Variants in EPYC observed in about 807,000 individuals in gnomAD.
EPYC encodes epiphycan.
Under a neutral mutation model 30.1 loss-of-function variants are expected in EPYC, and 28 were observed. The ratio of observed to expected loss-of-function variants is 0.93; its 90% confidence interval spans 0.69 to 1.28. EPYC has a LOEUF of 1.28. Ranked by LOEUF, EPYC falls within the 50% of genes most tolerant of loss-of-function variation. EPYC has a pLI of 0.00. For synonymous variants in EPYC, 144 were observed against 141.4 expected (o/e 1.02, Z -0.13); for missense variants, 382 against 383.5 (o/e 1.00, Z 0.03).
chr12:90,972,901 C>A lies in EPYC; in HGVS notation c.420G>T (p.Pro140=). Residue 140 remains proline (P), a synonymous_variant, in exon 4 of 7, where the codon CCG becomes CCT. Coordinates refer to ENST00000261172, the MANE Select transcript of EPYC (RefSeq NM_004950.5). ...CDDHELDAIP[P]LPKNTAYFYS... is the part of the protein sequence containing the mutation. ...AGAAATAAGCGGTGTTCTTTGGCAG[C>A]GGAGGAATAGCATCAAGTTCATGGT... 1 of 1,612,740 alleles carries A rather than the reference C, an allele frequency of 6.2e-7. No individual in the cohort carries two copies. The highest frequency in any genetic ancestry group is 1.7e-4 in the Middle Eastern group (1 of 6,056).
intron 2 of EPYC, among the ~76,000 whole-genome samples, 155 bp downstream of exon 2, chr12:91,002,246 G>A (rs1053390895): frequency 6.7e-5 from 9 of 134,488 alleles, no homozygotes; most frequent in African/African-American, 2.0e-4. Flanking sequence ...ACCTCCAAAA[G>A]ATTGAACATG....
At chr12:90,996,577 A>T (rs995124216) in intron 2 of EPYC, among the ~76,000 whole-genome samples, 3 of 151,942 alleles carry the variant, frequency 2.0e-5, no homozygotes, top group African/African-American at 7.2e-5. Flanking sequence ...AATTTTGTTA[A>T]ATATAATTTT....
At chr12:90,989,763 A>G (rs1877540143) in intron 2 of EPYC, among the ~76,000 whole-genome samples, 1 of 151,878 alleles carries the variant, frequency 6.6e-6, no homozygotes, top group South Asian at 2.1e-4. Flanking sequence ...GCAATATTCC[A>G]TTTTTAGTCA....
Position 90,970,053 on chromosome 12 carries a change from A to C in EPYC, c.789T>G (p.Leu263=). Residue 263 remains leucine (L), a synonymous_variant, in exon 6 of 7, where the codon CTT becomes CTG. Transcript: ENST00000261172. ...ACTGGTAGACTCCTACCTGGAGGTGAAGGGCTCGTAGATTTTCTGGGAGTG... is the reference window on the plus strand; with the variant it reads ...ACTGGTAGACTCCTACCTGGAGGTGCAGGGCTCGTAGATTTTCTGGGAGTG... ...PLPLPENLRA[L]HLQNNNILEM... 1.2e-6 allele frequency: 2 copies of C among 1,613,336 alleles called. No individual in the cohort carries two copies. The highest frequency in any genetic ancestry group is 1.7e-6 in the Non-Finnish European group (2 of 1,179,306).
chr12:90,999,411 A>T (rs1877770344), intron 2 of EPYC, among the ~76,000 whole-genome samples: 5 of 152,100 alleles, frequency 3.3e-5, no homozygotes, highest in Non-Finnish European at 7.4e-5. Context: ...TAAATTTATA[A>T]TTTTAGAACA....
At chr12:90,999,585 G>T (rs1168789584) in intron 2 of EPYC, among the ~76,000 whole-genome samples, 1 of 152,004 alleles carries the variant, frequency 6.6e-6, no homozygotes, top group Admixed American at 6.6e-5. Flanking sequence ...GGTTACGTTA[G>T]TAGTATTTAG....
intron 3 of EPYC, 33 bp downstream of exon 3, chr12:90,978,055 A>C: frequency 6.6e-7 from 1 of 1,507,982 alleles, no homozygotes; most frequent in Non-Finnish European, 8.8e-7. Context: ...GACAAAGTGG[A>C]CTCAATTGTA....
chr12:90,967,444 A>G lies in EPYC; in HGVS notation c.798+2600T>C, dbSNP rs373011504. On this transcript the variant is annotated intron_variant, in intron 6 of 6. Transcript: ENST00000261172. Reference sequence around the variant, plus strand: ...TTTTGTTGATTTCTAATGCAATTTCATTGGAATCAGAAAACATACTTTGTA... The same window carrying G: ...TTTTGTTGATTTCTAATGCAATTTCGTTGGAATCAGAAAACATACTTTGTA... Among the ~76,000 whole-genome samples, 43 of 152,182 alleles carry G rather than the reference A, an allele frequency of 2.8e-4. No homozygotes were observed. In the East Asian group the frequency reaches 4.3e-3, roughly 15 times the overall value.
At chr12:90,996,044 G>C (rs1877686599) in intron 2 of EPYC, among the ~76,000 whole-genome samples, 1 of 151,788 alleles carries the variant, frequency 6.6e-6, no homozygotes, top group South Asian at 2.1e-4. Flanking sequence ...AAAATATACT[G>C]TATAAATTGG....
intron 2 of EPYC, among the ~76,000 whole-genome samples, chr12:90,982,402 C>T (rs1442110364): frequency 6.6e-6 from 1 of 151,946 alleles, no homozygotes; most frequent in Non-Finnish European, 1.5e-5. Context: ...ATTTTCATCA[C>T]CCAAGAAAAA....
At chr12:90,967,464 T>C (rs1211528634) in intron 6 of EPYC, among the ~76,000 whole-genome samples, 1 of 152,218 alleles carries the variant, frequency 6.6e-6, no homozygotes, top group Admixed American at 6.5e-5. Context: ...GAAAACATAC[T>C]TTGTATAATT....
chr12:90,966,057 G>C (rs2120790423), intron 6 of EPYC, among the ~76,000 whole-genome samples: 1 of 151,942 alleles, frequency 6.6e-6, no homozygotes, highest in East Asian at 1.9e-4. Context: ...TTATATGCAA[G>C]ATTATGTCAT....
chr12:90,998,210 G>T (rs1182003091), intron 2 of EPYC, among the ~76,000 whole-genome samples: 1 of 152,058 alleles, frequency 6.6e-6, no homozygotes, highest in Non-Finnish European at 1.5e-5. Context: ...GTTAGCTGTA[G>T]TTTATCAGAA....
chr12:90,988,969 G>T (rs373424330), intron 2 of EPYC, among the ~76,000 whole-genome samples: 1 of 151,932 alleles, frequency 6.6e-6, no homozygotes, highest in Non-Finnish European at 1.5e-5. Flanking sequence ...GTGCCCAGAA[G>T]GAAAATGAAA....
At chr12:90,966,190 G>A (rs1382377404) in intron 6 of EPYC, among the ~76,000 whole-genome samples, 3 of 151,996 alleles carry the variant, frequency 2.0e-5, no homozygotes, top group Non-Finnish European at 4.4e-5. Context: ...TAGAAGTGGT[G>A]AGACAAACAA....
At chr12:90,968,523 G>A (rs1198517052) in intron 6 of EPYC, among the ~76,000 whole-genome samples, 3 of 152,130 alleles carry the variant, frequency 2.0e-5, no homozygotes, top group African/African-American at 7.2e-5. Context: ...TAAAAATACA[G>A]AAGTTGAAGA....
At chr12:90,976,911 C>T (rs768195913) in intron 3 of EPYC, among the ~76,000 whole-genome samples, 13 of 152,064 alleles carry the variant, frequency 8.5e-5, no homozygotes, top group South Asian at 2.1e-4. Flanking sequence ...ATGTAAGATA[C>T]GCCTTTTGCC....
At chr12:90,996,052 T>G (rs908407815) in intron 2 of EPYC, among the ~76,000 whole-genome samples, 2 of 152,032 alleles carry the variant, frequency 1.3e-5, no homozygotes, top group Non-Finnish European at 2.9e-5. Flanking sequence ...CTGTATAAAT[T>G]GGCCAAAGTA....
intron 2 of EPYC, among the ~76,000 whole-genome samples, chr12:90,985,882 C>T (rs1412065200): frequency 6.6e-6 from 1 of 152,130 alleles, no homozygotes; most frequent in Non-Finnish European, 1.5e-5. Context: ...AAATTAACTT[C>T]CTCCTGGACA....
Sources: allele counts gnomAD v4.1 joint callset (sites outside exome capture counted in the v4.1 genomes callset), GRCh38; gene constraint gnomAD v4.1.1; transcripts MANE v1.5; gene names NCBI Gene and HGNC (gene_info 2026-07-23, HGNC 2026-07-21).